KDM5B: variants seen among roughly 807,000 people sequenced by gnomAD.
KDM5B encodes lysine-specific demethylase 5B.
A neutral mutation model predicts 193.4 loss-of-function variants in KDM5B; 144 were observed. The ratio of observed to expected loss-of-function variants is 0.74; its 90% CI spans 0.65 to 0.86. The LOEUF is 0.86. Ranked by LOEUF, KDM5B falls within the 40% of genes least tolerant of loss-of-function variation. The pLI is 0.00. For synonymous variants in KDM5B, 668 were observed against 682.6 expected (o/e 0.98, Z 0.33); for missense variants, 1,833 against 1,886.9 (o/e 0.97, Z 0.53).
rs35801525 is a variant in KDM5B at position 202,799,657 on chromosome 1, C to CAA, written c.204+8443_204+8444dup. Among the ~76,000 whole-genome samples, 307 of 139,030 alleles carry CAA rather than the reference C, an allele frequency of 2.2e-3. 8 individuals carry two copies. In the East Asian group the frequency reaches 0.05, roughly 23 times the overall value. The allele number at this position is 139,030 out of a possible 152,430, so 91.2% of individuals were successfully genotyped here. A position where few individuals can be genotyped will look rare whatever the true frequency, so the allele number is the denominator to read the frequency against. On this transcript the variant is annotated intron_variant, in intron 1 of 26. Coordinates refer to ENST00000367265, the MANE Select transcript of KDM5B (RefSeq NM_006618.5). ...GGGTGACAAGCGTGAAACTCCATCT[C>CAA]AAAAAAAAAAAAAGTAATTTTTAAA... is the stretch of plus-strand genomic sequence containing the variant.
chr1:202,785,026 A>G (rs1657349483), intron 1 of KDM5B, among the ~76,000 whole-genome samples: 1 of 151,828 alleles, frequency 6.6e-6, no homozygotes, highest in Admixed American at 6.6e-5. Context: ...AAAAAAAAAA[A>G]GTACAGACTA....
chr1:202,779,362 C>A (rs1311609987), intron 1 of KDM5B, among the ~76,000 whole-genome samples: 2 of 151,978 alleles, frequency 1.3e-5, no homozygotes, highest in Admixed American at 6.6e-5. Context: ...GGCTGTAGTC[C>A]CAGCTACTCA....
chr1:202,784,391 T>G (rs898618337), intron 1 of KDM5B, among the ~76,000 whole-genome samples: 1 of 152,176 alleles, frequency 6.6e-6, no homozygotes, highest in Non-Finnish European at 1.5e-5. Flanking sequence ...CAAAGCATTG[T>G]TTTAATTGTA....
Position 202,808,168 on chromosome 1 carries a change from G to C in KDM5B, c.138C>G (p.Phe46Leu). ...EPSWEEFADP[F>L]AFIHKIRPIA... ...TGGGCCGGATCTTGTGGATGAAAGC[G>C]AAGGGGTCCGCGAACTCTTCCCAGC... Residue 46 changes from phenylalanine (F) to leucine (L), a missense_variant, in exon 1 of 27, where the codon TTC becomes TTG. This residue lies in a region of KDM5B where 355 missense variants were observed against 374.9 expected (regional missense o/e 0.95). Transcript: ENST00000367265. The C allele has an allele frequency of 6.2e-7, 1 of 1,613,206 alleles. No homozygotes were observed. Among genetic ancestry groups the C allele is most frequent in the Non-Finnish European group, 8.5e-7 (1 of 1,179,588 alleles).
At chr1:202,749,907 C>T (rs1277043871) in intron 13 of KDM5B, among the ~76,000 whole-genome samples, 1 of 152,150 alleles carries the variant, frequency 6.6e-6, no homozygotes, top group Non-Finnish European at 1.5e-5. Flanking sequence ...TAATCTAGAA[C>T]TTTTTAGGTA....
chr1:202,733,969 A>G, intron 22 of KDM5B, 83 bp from the exon 23 acceptor site: 1 of 1,481,142 alleles, frequency 6.8e-7, no homozygotes, highest in South Asian at 1.3e-5. Context: ...GGTTAAGAGC[A>G]TGGGATCCTG....
intron 6 of KDM5B, among the ~76,000 whole-genome samples, chr1:202,763,276 T>C (rs1200581089): frequency 6.6e-6 from 1 of 152,192 alleles, no homozygotes; most frequent in Non-Finnish European, 1.5e-5. Flanking sequence ...AAACACTGGC[T>C]ATCAATTACT....
intron 1 of KDM5B, 88 bp downstream of exon 1, chr1:202,808,013 GC>G (rs1187445683): frequency 4.6e-6 from 6 of 1,316,432 alleles, no homozygotes; most frequent in Non-Finnish European, 5.1e-6. Flanking sequence ...CCGGCTCCCC[GC>G]CCCCCGCGCC....
intron 9 of KDM5B, 23 bp downstream of exon 9, chr1:202,758,368 C>A: frequency 6.4e-7 from 1 of 1,553,254 alleles, no homozygotes; most frequent in South Asian, 1.2e-5. Context: ...AATCCTAAAT[C>A]AAAGCAGTAT....
At chr1:202,748,510 T>TAAA (rs35471222) in intron 14 of KDM5B, among the ~76,000 whole-genome samples, 1 of 145,306 alleles carries the variant, frequency 6.9e-6, no homozygotes, top group Non-Finnish European at 1.5e-5. Flanking sequence ...CTATCTGATT[T>TAAA]AAAAAAAAAA....
In KDM5B at chr1:202,730,043, G is replaced by C. The variant is rs376551153; in HGVS notation, c.4177-16C>G. The C allele has an allele frequency of 1.3e-6, 2 of 1,588,096 alleles. No homozygotes were observed. The highest frequency in any genetic ancestry group is 8.6e-7 in the Non-Finnish European group (1 of 1,168,504). Reference sequence around the variant, plus strand: ...AACAGTCATTCTGGGTGGAAGATAGGAAAGTTCAATTTTCGCCTATGGGTC... The same window carrying C: ...AACAGTCATTCTGGGTGGAAGATAGCAAAGTTCAATTTTCGCCTATGGGTC... On this transcript the variant is annotated splice_polypyrimidine_tract_variant and intron_variant, in intron 25 of 26. Transcript: ENST00000367265.
intron 5 of KDM5B, 79 bp from the exon 6 acceptor site, chr1:202,764,224 G>T: frequency 2.8e-6 from 2 of 719,626 alleles, no homozygotes; most frequent in South Asian, 3.8e-5. Context: ...ATCTCAAGGT[G>T]ACTATATCCT....
chr1:202,808,346 G>C lies in KDM5B; in HGVS notation c.-41C>G. 6.6e-7 allele frequency: 1 copy of C among 1,507,916 alleles called. No individual in the cohort carries two copies. Among genetic ancestry groups the C allele is most frequent in the Non-Finnish European group, 8.8e-7 (1 of 1,131,132 alleles). 93.4% of individuals were successfully genotyped at this position (1,507,916 alleles called of 1,614,324 possible). On this transcript the variant is annotated 5_prime_UTR_variant, in exon 1 of 27. Coordinates refer to ENST00000367265, the MANE Select transcript of KDM5B (RefSeq NM_006618.5). ...AAGGGCGAGGCGAAGGTGGGCTCCG[G>C]GACCGAGGCTGCGAGCTCCGCTCGG...
chr1:202,744,477 G>C (rs1655471488), intron 16 of KDM5B, among the ~76,000 whole-genome samples: 1 of 152,162 alleles, frequency 6.6e-6, no homozygotes, highest in Non-Finnish European at 1.5e-5. Context: ...AGAATTGCTT[G>C]AACCCAGGAG....
chr1:202,767,377 C>A, intron 4 of KDM5B: 12 of 1,514,116 alleles, frequency 7.9e-6, no homozygotes, highest in Non-Finnish European at 1.1e-5. Flanking sequence ...GTGGCTCCTA[C>A]GGACCACAGA....
At chr1:202,798,185 G>GTGATT (rs1657926113) in intron 1 of KDM5B, among the ~76,000 whole-genome samples, 1 of 152,012 alleles carries the variant, frequency 6.6e-6, no homozygotes, top group Admixed American at 6.6e-5. Flanking sequence ...TGGCAACATA[G>GTGATT]TGAGACCCTG....
At chr1:202,764,509 C>T (rs1175034744) in intron 5 of KDM5B, among the ~76,000 whole-genome samples, 1 of 152,094 alleles carries the variant, frequency 6.6e-6, no homozygotes, top group East Asian at 1.9e-4. Flanking sequence ...GTGGCACGCA[C>T]CTGTAGTCCC....
Position 202,760,414 on chromosome 1 carries a change from C to T in KDM5B, c.1077+1G>A. 1 of 1,595,710 alleles carries T rather than the reference C, an allele frequency of 6.3e-7. No individual in the cohort carries two copies. The highest frequency in any genetic ancestry group is 8.5e-7 in the Non-Finnish European group (1 of 1,172,284). ...GTGTTACCTCTACTATTAATTATTA[C>T]CTGAGCCAAACACTTAGGACACCTC... On this transcript the variant is annotated splice_donor_variant, in intron 8 of 26. Transcript: ENST00000367265. LOFTEE classifies it high-confidence loss of function.
chr1:202,795,400 T>C (rs1351295194), intron 1 of KDM5B, among the ~76,000 whole-genome samples: 1 of 151,060 alleles, frequency 6.6e-6, no homozygotes, highest in Non-Finnish European at 1.5e-5. Context: ...ACCTGCAATC[T>C]CAGCACTTTG....
Sources: gnomAD v4.1 joint callset for allele counts (sites outside exome capture counted in the v4.1 genomes callset) on GRCh38, gnomAD v4.1.1 for gene constraint, gnomAD v4.1.1 regional missense constraint, MANE v1.5 for transcripts, NCBI Gene and HGNC (gene_info 2026-07-23, HGNC 2026-07-21) for gene names.